The following GRB10 variants were observed in gnomAD, a reference collection of about 807,000 sequenced individuals.
GRB10 encodes the protein growth factor receptor-bound protein 10.
A neutral mutation model predicts 80.9 loss-of-function variants in GRB10; 20 were observed. The ratio of observed to expected loss-of-function variants is 0.25; its 90% CI spans 0.17 to 0.36. The LOEUF (loss-of-function observed/expected upper bound fraction) is 0.36. Among genes scored for constraint, GRB10 ranks in the 10% least tolerant of loss-of-function variants. The pLI is 1.00. For synonymous variants in GRB10, 291 were observed against 291.5 expected, an observed-to-expected ratio of 1.00 and a Z score of 0.02; for missense variants, 548 against 747.7, an observed-to-expected ratio of 0.73 and a Z score of 3.12.
chr7:50,615,481 G>C (rs1394660250), intron 11 of GRB10, among the ~76,000 whole-genome samples: 1 of 152,194 alleles, frequency 6.6e-6, no homozygotes, highest in African/African-American at 2.4e-5. Context: ...CCCAGGTGTC[G>C]GCAGCTGCTG....
intron 14 of GRB10, 116 bp downstream of exon 14, chr7:50,606,221 C>T (rs77532435): frequency 0.019 from 16,529 of 870,122 alleles, 214 homozygotes; most frequent in South Asian, 0.025. Flanking sequence ...CCCTGAAATG[C>T]ACACACACTC....
intron 2 of GRB10, among the ~76,000 whole-genome samples, chr7:50,778,517 T>A (rs867004463): frequency 6.6e-6 from 1 of 152,066 alleles, no homozygotes; most frequent in Middle Eastern, 3.2e-3. Flanking sequence ...AAGGTGGCAT[T>A]AAGTAGAGGT....
chr7:50,709,768 C>G (rs2065611998), intron 4 of GRB10, among the ~76,000 whole-genome samples: 1 of 152,038 alleles, frequency 6.6e-6, no homozygotes, highest in Admixed American at 6.6e-5. Flanking sequence ...TGTTAGGGTA[C>G]CAGGTGGCCT....
At chr7:50,771,722 T>C (rs563608617) in intron 2 of GRB10, among the ~76,000 whole-genome samples, 43 of 152,158 alleles carry the variant, frequency 2.8e-4, no homozygotes, top group Non-Finnish European at 5.0e-4. Context: ...CGCAGCCCAG[T>C]AGGAATGAAC....
intron 4 of GRB10, among the ~76,000 whole-genome samples, chr7:50,721,760 G>T (rs2067788074): frequency 6.6e-6 from 1 of 152,148 alleles, no homozygotes; most frequent in African/African-American, 2.4e-5. Flanking sequence ...AGAATCTGGG[G>T]TGGCTGAGGA....
intron 5 of GRB10, among the ~76,000 whole-genome samples, chr7:50,703,365 G>A (rs2064514398): frequency 6.6e-6 from 1 of 152,138 alleles, no homozygotes; most frequent in Non-Finnish European, 1.5e-5. Flanking sequence ...TTTTCTAAAG[G>A]TAGTTCCCTT....
intron 6 of GRB10, 149 bp from the exon 7 acceptor site, chr7:50,670,012 C>A (rs1252479332): frequency 6.5e-6 from 6 of 922,884 alleles, no homozygotes; most frequent in Non-Finnish European, 8.4e-6. Context: ...TTCACAAAAG[C>A]CAAAAAGTAG....
At chr7:50,619,551 G>A (rs1417854666) in intron 8 of GRB10, among the ~76,000 whole-genome samples, 1 of 152,188 alleles carries the variant, frequency 6.6e-6, no homozygotes, top group Non-Finnish European at 1.5e-5. Flanking sequence ...GTTAAGGAAT[G>A]AGCCCGTAAG....
chr7:50,738,635 T>TA (rs2071211113), intron 3 of GRB10, among the ~76,000 whole-genome samples: 1 of 152,208 alleles, frequency 6.6e-6, no homozygotes, highest in Non-Finnish European at 1.5e-5. Flanking sequence ...ATCCTACAGT[T>TA]ATACAACTGG....
intron 4 of GRB10, among the ~76,000 whole-genome samples, chr7:50,709,557 CT>C (rs386410130): frequency 6.9e-6 from 1 of 143,924 alleles, no homozygotes; most frequent in African/African-American, 2.6e-5. Context: ...CCATTAAACT[CT>C]TTTTTTTTGC....
At chr7:50,718,857 C>A (rs1445073114) in intron 4 of GRB10, among the ~76,000 whole-genome samples, 1 of 152,036 alleles carries the variant, frequency 6.6e-6, no homozygotes, top group South Asian at 2.1e-4. Context: ...GCTTGTTGAA[C>A]CCCTCAAAAT....
chr7:50,783,419 C>A (rs2078507618), upstream of GRB10, among the ~76,000 whole-genome samples: 1 of 103,046 alleles, frequency 9.7e-6, no homozygotes, highest in Non-Finnish European at 2.1e-5. Context: ...CACACACACA[C>A]ACACCCCACA....
chr7:50,702,660 C>A (rs1303996764), intron 5 of GRB10, among the ~76,000 whole-genome samples: 1 of 152,208 alleles, frequency 6.6e-6, no homozygotes, highest in Non-Finnish European at 1.5e-5. Flanking sequence ...TCAGTTTCAA[C>A]TGCATACGGT....
chr7:50,608,938 C>G (rs1457878845), intron 13 of GRB10, among the ~76,000 whole-genome samples: 1 of 145,684 alleles, frequency 6.9e-6, no homozygotes, highest in Non-Finnish European at 1.5e-5. Context: ...GTACTCCAGC[C>G]TGGGAGGCAG....
At chr7:50,719,898 G>A (rs1047422842) in intron 4 of GRB10, among the ~76,000 whole-genome samples, 19 of 151,110 alleles carry the variant, frequency 1.3e-4, no homozygotes, top group Admixed American at 2.6e-4. Context: ...GATCAAATCC[G>A]AGTTCCTGCA....
chr7:50,736,578 A>G (rs2070831708), intron 3 of GRB10, among the ~76,000 whole-genome samples: 1 of 152,198 alleles, frequency 6.6e-6, no homozygotes, highest in Non-Finnish European at 1.5e-5. Flanking sequence ...GGATTGCTTG[A>G]GCCCAGAAGT....
At chr7:50,759,595 A>C (rs1176366149) in intron 2 of GRB10, among the ~76,000 whole-genome samples, 1 of 152,192 alleles carries the variant, frequency 6.6e-6, no homozygotes, top group African/African-American at 2.4e-5. Flanking sequence ...TTTTTATTTG[A>C]ATTATTTTAT....
At chr7:50,596,283 C>T (rs1585399461) in intron 17 of GRB10, among the ~76,000 whole-genome samples, 1 of 152,332 alleles carries the variant, frequency 6.6e-6, no homozygotes, top group South Asian at 2.1e-4. Flanking sequence ...TCTTCTTCAT[C>T]AAGTGTCTAA....
rs142330460 is a variant in GRB10 at position 50,638,928 on chromosome 7, T to C, written c.505-11950A>G. Among the ~76,000 whole-genome samples, 391 of 152,362 alleles carry C rather than the reference T, an allele frequency of 2.6e-3. 1 individual carries two copies. The highest frequency in any genetic ancestry group is 9.1e-3 in the African/African-American group (377 of 41,582). On this transcript the variant is annotated intron_variant, in intron 7 of 18. Transcript: ENST00000401949. ...AGTCATAAAAAAGAATGAAATCATGTCTTCTGCAGCAACATGGGTGGAGCT... is the reference window on the plus strand; with the variant it reads ...AGTCATAAAAAAGAATGAAATCATGCCTTCTGCAGCAACATGGGTGGAGCT...
Sources: allele counts gnomAD v4.1 joint callset (sites outside exome capture counted in the v4.1 genomes callset), GRCh38; gene constraint gnomAD v4.1.1; transcripts MANE v1.5; gene names NCBI Gene and HGNC (gene_info 2026-07-23, HGNC 2026-07-21).